The following ANKRD30B variants were observed in gnomAD, a reference collection of about 807,000 sequenced individuals.
The protein encoded by ANKRD30B is ankyrin repeat domain 30B, also known as ankyrin repeat domain-containing protein 30B.
Under a neutral mutation model 202.2 loss-of-function variants are expected in ANKRD30B, and 144 were observed. The ratio of observed to expected loss-of-function variants is 0.71; its 90% confidence interval spans 0.62 to 0.82. The LOEUF (loss-of-function observed/expected upper bound fraction) is 0.82, where lower values mean the gene tolerates loss of function less well. Ranked by LOEUF, ANKRD30B falls within the 40% of genes least tolerant of loss-of-function variation. The pLI is 0.00. For synonymous variants in ANKRD30B, 508 were observed against 561.3 expected (o/e 0.91, Z 1.34); for missense variants, 1,487 against 1,669.1 (o/e 0.89, Z 1.90).
chr18:14,797,874 T>A lies in ANKRD30B; in HGVS notation c.2029+20T>A. 1 of 1,529,646 alleles carries A rather than the reference T, an allele frequency of 6.5e-7. No homozygotes were observed. The highest frequency in any genetic ancestry group is 8.8e-7 in the Non-Finnish European group (1 of 1,134,348). The allele number at this position is 1,529,646 out of a possible 1,614,324, so 94.8% of individuals were successfully genotyped here. A position where few individuals can be genotyped will look rare whatever the true frequency, so the allele number is the denominator to read the frequency against. Reference sequence around the variant, plus strand: ...AAGCAGGTACATTTTGTAATTTAAATTTTAATCTGGAATTAAGAATATTAA... The same window carrying A: ...AAGCAGGTACATTTTGTAATTTAAAATTTAATCTGGAATTAAGAATATTAA... On this transcript the variant is annotated intron_variant, in intron 20 of 43. Transcript: ENST00000690538.
chr18:14,901,555 G>GTTT, the ANKRD30B span, among the ~76,000 whole-genome samples: 569 of 148,512 alleles, frequency 3.8e-3, 2 homozygotes, highest in Non-Finnish European at 5.9e-3. Flanking sequence ...TCAAGACAAA[G>GTTT]TTTTTTTTTT....
the ANKRD30B span, among the ~76,000 whole-genome samples, chr18:14,909,608 A>G: frequency 6.6e-6 from 1 of 152,038 alleles, no homozygotes; most frequent in Non-Finnish European, 1.5e-5. Flanking sequence ...GAGTTTCACC[A>G]TGTTGGCCAG....
chr18:14,821,342 G>T (rs150129267), intron 30 of ANKRD30B, among the ~76,000 whole-genome samples: 124 of 152,118 alleles, frequency 8.2e-4, no homozygotes, highest in African/African-American at 2.9e-3. Flanking sequence ...TTTTTGAACG[G>T]TTTTTTGTGT....
At chr18:14,894,926 G>A in the ANKRD30B span, among the ~76,000 whole-genome samples, 1 of 150,124 alleles carries the variant, frequency 6.7e-6, no homozygotes, top group Non-Finnish European at 1.5e-5. Flanking sequence ...CATCACTAAA[G>A]ATACACAAAG....
the ANKRD30B span, among the ~76,000 whole-genome samples, chr18:14,934,859 GGAGA>G: frequency 1.3e-5 from 2 of 151,482 alleles, no homozygotes; most frequent in Non-Finnish European, 2.9e-5. Flanking sequence ...AGGGGCTGCA[GGAGA>G]GAGAGGGGTG....
intron 14 of ANKRD30B, among the ~76,000 whole-genome samples, chr18:14,785,636 C>T (rs940063321): frequency 2.6e-5 from 4 of 152,094 alleles, no homozygotes; most frequent in South Asian, 2.1e-4. Context: ...TGTGGCAACA[C>T]GTAAGATCTC....
At chr18:14,863,239 G>A in the ANKRD30B span, among the ~76,000 whole-genome samples, 2 of 116,480 alleles carry the variant, frequency 1.7e-5, no homozygotes, top group Admixed American at 1.7e-4. Context: ...TGTTGAATGT[G>A]ATCTTAAACG....
At chr18:14,850,666 T>C (rs140349994) in intron 41 of ANKRD30B, among the ~76,000 whole-genome samples, 2 of 151,980 alleles carry the variant, frequency 1.3e-5, no homozygotes, top group Admixed American at 6.6e-5. Context: ...CATAGATTAG[T>C]GTATTTTTCC....
At chr18:14,758,460 T>C in intron 5 of ANKRD30B, among the ~76,000 whole-genome samples, 1 of 152,228 alleles carries the variant, frequency 6.6e-6, no homozygotes, top group East Asian at 1.9e-4. Flanking sequence ...AGTCTGGTAA[T>C]GATTGACCTT....
rs370586369 is a variant in ANKRD30B at position 14,796,288 on chromosome 18, A to G, written c.1854+39A>G. Reference sequence around the variant, plus strand: ...TATTGCTATCTTGAATACTAACTACATATTTTAGGAAGCATATATTATGTA... The same window carrying G: ...TATTGCTATCTTGAATACTAACTACGTATTTTAGGAAGCATATATTATGTA... On this transcript the variant is annotated intron_variant, in intron 17 of 43. Coordinates refer to ENST00000690538, the MANE Select transcript of ANKRD30B (RefSeq NM_001367607.2). 8.8e-5 allele frequency: 141 copies of G among 1,610,000 alleles called. 1 individual carries two copies. The African/African-American group carries it at 1.6e-3, about 18-fold the overall frequency.
chr18:14,860,184 C>T, the ANKRD30B span, among the ~76,000 whole-genome samples: 1 of 149,212 alleles, frequency 6.7e-6, no homozygotes, highest in Non-Finnish European at 1.5e-5. Flanking sequence ...GCGCTCCTCA[C>T]CTCCCAGATG....
In ANKRD30B at chr18:14,852,073, G is replaced by A. The variant is rs1391450237; in HGVS notation, c.4129G>A (p.Ala1377Thr). 1.2e-6 allele frequency: 2 copies of A among 1,609,944 alleles called. No individual in the cohort carries two copies. The highest frequency in any genetic ancestry group is 1.7e-5 in the Admixed American group (1 of 59,778). Residue 1377 changes from alanine to threonine, a missense_variant, in exon 42 of 44, where the codon GCA becomes ACA. This residue lies in a region of ANKRD30B where 182 missense variants were observed against 216.0 expected (regional missense o/e 0.84). Coordinates refer to ENST00000690538, the MANE Select transcript of ANKRD30B (RefSeq NM_001367607.2). The stretch of plus-strand genomic sequence containing the variant: ...TGCAGGAGATGATCTAAGAGAAAAT[G>A]CATTGGTTTCAGAACATGCACAAAG... ...NYAGDDLREN[A>T]LVSEHAQRDR...
chr18:14,822,717 C>T, intron 32 of ANKRD30B, 40 bp downstream of exon 32: 2 of 1,062,476 alleles, frequency 1.9e-6, no homozygotes, highest in Admixed American at 2.9e-5. Context: ...GAATTAAGAA[C>T]ATTAAAATAT....
intron 7 of ANKRD30B, among the ~76,000 whole-genome samples, chr18:14,767,262 C>T (rs999591569): frequency 1.3e-5 from 2 of 152,092 alleles, no homozygotes; most frequent in African/African-American, 4.8e-5. Flanking sequence ...AGTAATTCAC[C>T]CTTATCCATG....
At chr18:14,750,577 C>T (rs987220336) in intron 1 of ANKRD30B, among the ~76,000 whole-genome samples, 2 of 152,044 alleles carry the variant, frequency 1.3e-5, no homozygotes, top group East Asian at 3.8e-4. Context: ...CATTAGTGAT[C>T]CATTCTATTA....
intron 30 of ANKRD30B, among the ~76,000 whole-genome samples, chr18:14,818,451 G>A (rs568680666): frequency 5.9e-5 from 9 of 151,476 alleles, no homozygotes; most frequent in East Asian, 5.9e-4. Context: ...ATGCTGGTGC[G>A]CTGCACCCAC....
At chr18:14,780,782 G>C (rs554038719) in intron 11 of ANKRD30B, among the ~76,000 whole-genome samples, 1 of 149,246 alleles carries the variant, frequency 6.7e-6, no homozygotes, top group East Asian at 2.0e-4. Flanking sequence ...TGACATACGT[G>C]TATTGTCCAG....
chr18:14,878,550 C>T, the ANKRD30B span, among the ~76,000 whole-genome samples: 60,921 of 151,450 alleles, frequency 0.4, 13,698 homozygotes, highest in East Asian at 0.59. Context: ...CTCCATCATC[C>T]GAATAACAGG....
the ANKRD30B span, among the ~76,000 whole-genome samples, chr18:14,912,433 A>G: frequency 2.0e-5 from 3 of 152,140 alleles, no homozygotes. Context: ...TGACTCATGT[A>G]TGTTGGACTA....
Sources: allele counts gnomAD v4.1 joint callset (sites outside exome capture counted in the v4.1 genomes callset), GRCh38; gene constraint gnomAD v4.1.1; regional missense constraint gnomAD v4.1.1; transcripts MANE v1.5; gene names NCBI Gene and HGNC (gene_info 2026-07-23, HGNC 2026-07-21).